Variants in PTPN3 observed in about 807,000 individuals in gnomAD.
The protein encoded by PTPN3 is protein tyrosine phosphatase non-receptor type 3.
PTPN3 carries 96 observed loss-of-function variants against 132.7 expected under a neutral mutation model. The observed-to-expected ratio is 0.72, with a 90% CI of 0.61 to 0.86. PTPN3 has a LOEUF of 0.86. Among genes scored for constraint, PTPN3 ranks in the 40% least tolerant of loss-of-function variants. The probability of loss-of-function intolerance (pLI) is 0.00; values close to 1 mark genes in which losing one functional copy is unlikely to be tolerated. For missense variants in PTPN3, 1,125 were observed against 1,159.6 expected (o/e 0.97, Z 0.43); for synonymous variants, 398 against 429.0 (o/e 0.93, Z 0.89).
chr9:109,514,147 C>T, the PTPN3 span, among the ~76,000 whole-genome samples: 2 of 152,306 alleles, frequency 1.3e-5, no homozygotes, highest in Middle Eastern at 3.4e-3. Context: ...ACATCCTTCC[C>T]AAGCCCCACT....
intron 14 of PTPN3, 47 bp from the exon 15 acceptor site, chr9:109,410,462 T>C (rs765853095): frequency 1.3e-6 from 2 of 1,582,924 alleles, no homozygotes; most frequent in South Asian, 2.2e-5. Context: ...GTTAATATTT[T>C]ATTAGAGCAA....
At chr9:109,518,311 A>G in the PTPN3 span, among the ~76,000 whole-genome samples, 1 of 152,154 alleles carries the variant, frequency 6.6e-6, no homozygotes. Flanking sequence ...ACAGAAAAGA[A>G]CTCAGACATG....
intron 14 of PTPN3, among the ~76,000 whole-genome samples, chr9:109,413,256 C>A (rs1263116086): frequency 6.6e-6 from 1 of 152,080 alleles, no homozygotes; most frequent in Non-Finnish European, 1.5e-5. Flanking sequence ...GCCCGGCCTG[C>A]CCTAACCTAT....
intron 13 of PTPN3, among the ~76,000 whole-genome samples, chr9:109,421,485 T>C (rs1213422053): frequency 6.6e-6 from 1 of 152,204 alleles, no homozygotes; most frequent in Non-Finnish European, 1.5e-5. Context: ...AAAAGGCTCT[T>C]GTGACTCCTC....
chr9:109,469,066 A>G (rs1344788451), intron 1 of PTPN3, among the ~76,000 whole-genome samples: 1 of 152,216 alleles, frequency 6.6e-6, no homozygotes, highest in East Asian at 1.9e-4. Context: ...GCATGCTGGC[A>G]CAAATTGCCA....
chr9:109,389,180 A>G (rs1287564217), intron 22 of PTPN3, 53 bp downstream of exon 22: 1 of 1,595,550 alleles, frequency 6.3e-7, no homozygotes, highest in Non-Finnish European at 8.5e-7. Flanking sequence ...TTCATGTTAC[A>G]CAGAGTAGGG....
chr9:109,398,549 C>A (rs78316731), intron 19 of PTPN3, among the ~76,000 whole-genome samples: 1 of 152,068 alleles, frequency 6.6e-6, no homozygotes, highest in Non-Finnish European at 1.5e-5. Context: ...GTGGAGGGGC[C>A]GGGTATCTGA....
At chr9:109,457,027 G>T in intron 4 of PTPN3, 146 bp downstream of exon 4, 1 of 766,458 alleles carries the variant, frequency 1.3e-6, no homozygotes. Context: ...TCAGAAGTCA[G>T]ACAGGGAGAA....
intron 13 of PTPN3, among the ~76,000 whole-genome samples, chr9:109,421,589 T>C (rs1250336795): frequency 1.3e-5 from 2 of 152,248 alleles, no homozygotes; most frequent in Non-Finnish European, 1.5e-5. Flanking sequence ...CTGGGCTCTC[T>C]GGGCCCCTGG....
intron 10 of PTPN3, among the ~76,000 whole-genome samples, chr9:109,432,431 T>C (rs1441786923): frequency 6.6e-6 from 1 of 152,166 alleles, no homozygotes; most frequent in African/African-American, 2.4e-5. Flanking sequence ...TTCCTGGCAA[T>C]GCGTGCTACC....
Position 109,408,797 on chromosome 9 carries a change from ATAT to A in PTPN3, c.1579-423_1579-421del, listed in dbSNP as rs1347080964. ...TATAATAATTAAAAAAAAAAAAAAA[ATAT>A]ATATATATATATATATATGGGCTTT... is the stretch of plus-strand genomic sequence containing the variant. On this transcript the variant is annotated intron_variant, in intron 16 of 25. Coordinates refer to ENST00000374541, the MANE Select transcript of PTPN3 (RefSeq NM_002829.4). Among the ~76,000 whole-genome samples, 109 of 50,214 alleles carry A rather than the reference ATAT, an allele frequency of 2.2e-3. 1 individual carries two copies. In the Middle Eastern group the frequency reaches 0.062, roughly 29 times the overall value. 32.9% of individuals were successfully genotyped at this position (50,214 alleles called of 152,430 possible).
rs1023733055 is a variant in PTPN3 at position 109,482,906 on chromosome 9, G to A, written c.-18+15313C>T. 3.3e-5 allele frequency among the ~76,000 whole-genome samples: 5 copies of A among 152,154 alleles called. No homozygotes were observed. The South Asian group carries it at 6.2e-4, about 19-fold the overall frequency. On this transcript the variant is annotated intron_variant, in intron 1 of 25. Coordinates refer to ENST00000374541, the MANE Select transcript of PTPN3 (RefSeq NM_002829.4). ...ACCCACAGGGTCCTCGTCAGCACTC[G>A]CAGGTGCTAAGGCTGTGGGCTGCTC... is the stretch of plus-strand genomic sequence containing the variant.
At chr9:109,496,739 G>A (rs1047438502) in intron 1 of PTPN3, among the ~76,000 whole-genome samples, 3 of 152,186 alleles carry the variant, frequency 2.0e-5, no homozygotes, top group Non-Finnish European at 2.9e-5. Flanking sequence ...CTCCCTAGGG[G>A]ACATCTGACA....
At chr9:109,520,757 G>T in the PTPN3 span, among the ~76,000 whole-genome samples, 1 of 152,214 alleles carries the variant, frequency 6.6e-6, no homozygotes, top group Admixed American at 6.5e-5. Context: ...GAGCCACAAA[G>T]TGCGTCCACA....
At chr9:109,497,197 G>A (rs939283770) in intron 1 of PTPN3, among the ~76,000 whole-genome samples, 1 of 152,282 alleles carries the variant, frequency 6.6e-6, no homozygotes, top group Non-Finnish European at 1.5e-5. Flanking sequence ...ACTAGGCCCT[G>A]AAGATGGTTT....
chr9:109,423,520 C>T (rs1487293066), intron 12 of PTPN3, among the ~76,000 whole-genome samples: 1 of 152,126 alleles, frequency 6.6e-6, no homozygotes, highest in Non-Finnish European at 1.5e-5. Context: ...GCATGAGAAC[C>T]CCCTGAATCC....
chr9:109,403,266 A>C (rs10816807), intron 19 of PTPN3, among the ~76,000 whole-genome samples: 129,852 of 152,190 alleles, frequency 0.85, 55,712 homozygotes, highest in African/African-American at 0.95. Flanking sequence ...CCTTCATTTT[A>C]AACATTCCTA....
chr9:109,519,395 A>G, the PTPN3 span, among the ~76,000 whole-genome samples: 1 of 152,218 alleles, frequency 6.6e-6, no homozygotes, highest in Admixed American at 6.5e-5. Flanking sequence ...GATGTTCAGT[A>G]GGTTAGGTGT....
At chr9:109,385,025 G>T (rs1055428298) in intron 22 of PTPN3, among the ~76,000 whole-genome samples, 3 of 152,234 alleles carry the variant, frequency 2.0e-5, no homozygotes, top group Non-Finnish European at 2.9e-5. Context: ...TCCCTGTCCT[G>T]TAGGCTCCCA....
Sources: allele counts gnomAD v4.1 joint callset (sites outside exome capture counted in the v4.1 genomes callset), GRCh38; gene constraint gnomAD v4.1.1; transcripts MANE v1.5; gene names NCBI Gene and HGNC (gene_info 2026-07-23, HGNC 2026-07-21).